ADAMTS16: variants seen among roughly 807,000 people sequenced by gnomAD.
The protein encoded by ADAMTS16 is A disintegrin and metalloproteinase with thrombospondin motifs 16.
ADAMTS16 carries 94 observed loss-of-function variants against 145.8 expected under a neutral mutation model. The ratio of observed to expected loss-of-function variants is 0.64; its 90% CI spans 0.55 to 0.77. The LOEUF (loss-of-function observed/expected upper bound fraction) is 0.77, where lower values mean the gene tolerates loss of function less well. Among genes scored for constraint, ADAMTS16 ranks in the 30% least tolerant of loss-of-function variants. The probability of loss-of-function intolerance (pLI) is 0.00; values close to 1 mark genes in which losing one functional copy is unlikely to be tolerated. For missense variants in ADAMTS16, 1,585 were observed against 1,591.5 expected (o/e 1.00, Z 0.07); for synonymous variants, 659 against 604.3 (o/e 1.09, Z -1.33).
chr5:5,247,203 T>C (rs1169835796), intron 17 of ADAMTS16, among the ~76,000 whole-genome samples: 1 of 152,204 alleles, frequency 6.6e-6, no homozygotes, highest in African/African-American at 2.4e-5. Context: ...TCTTTTAAAC[T>C]TCAGCTAAAG....
At chr5:5,217,569 C>T (rs1015380994) in intron 10 of ADAMTS16, among the ~76,000 whole-genome samples, 4 of 152,110 alleles carry the variant, frequency 2.6e-5, no homozygotes, top group African/African-American at 9.7e-5. Context: ...GGTAGTGTGC[C>T]ATTCACAATA....
At chr5:5,184,719 C>T (rs907284606) in intron 4 of ADAMTS16, among the ~76,000 whole-genome samples, 5 of 151,838 alleles carry the variant, frequency 3.3e-5, no homozygotes, top group Admixed American at 1.3e-4. Flanking sequence ...CTGGGGACAA[C>T]GTTGCAAGCT....
At chr5:5,265,426 C>T (rs866663356) in intron 18 of ADAMTS16, among the ~76,000 whole-genome samples, 4 of 152,144 alleles carry the variant, frequency 2.6e-5, no homozygotes, top group East Asian at 1.9e-4. Context: ...TGTGGAATCT[C>T]GGTTTGCCAA....
chr5:5,150,909 G>A (rs1734435641), intron 3 of ADAMTS16, among the ~76,000 whole-genome samples: 1 of 152,182 alleles, frequency 6.6e-6, no homozygotes, highest in Non-Finnish European at 1.5e-5. Context: ...ATTGCATTAT[G>A]CATATGTTAG....
At chr5:5,193,743 G>T (rs1735727252) in intron 8 of ADAMTS16, among the ~76,000 whole-genome samples, 1 of 152,086 alleles carries the variant, frequency 6.6e-6, no homozygotes, top group Admixed American at 6.6e-5. Context: ...GGGTGTAGTT[G>T]GAAAAAGATT....
rs779306005 is a variant in ADAMTS16, at chr5:5,232,352, A to G, written c.1702-16A>G. 6.2e-7 allele frequency: 1 copy of G among 1,613,768 alleles called. No individual in the cohort carries two copies. Among genetic ancestry groups the G allele is most frequent in the Non-Finnish European group, 8.5e-7 (1 of 1,179,932 alleles). On this transcript the variant is annotated splice_polypyrimidine_tract_variant and intron_variant, in intron 11 of 22. Coordinates refer to ENST00000274181, the MANE Select transcript of ADAMTS16 (RefSeq NM_139056.4). ...CTGTGTGAGTCAAGTCAACTTATTT[A>G]TGTTGAAAATTTTAGTGGTGCCGGG...
intron 21 of ADAMTS16, among the ~76,000 whole-genome samples, chr5:5,311,313 AAAAAC>A (rs1740422752): frequency 3.0e-5 from 3 of 99,156 alleles, no homozygotes; most frequent in Admixed American, 1.1e-4. Context: ...AAAAAAAAAA[AAAAAC>A]AAAAAAACAA....
chr5:5,203,492 A>G (rs1056419873), intron 9 of ADAMTS16, among the ~76,000 whole-genome samples: 3 of 152,212 alleles, frequency 2.0e-5, no homozygotes, highest in Non-Finnish European at 2.9e-5. Context: ...CTAGCATTTG[A>G]TAGTGGGAAA....
At chr5:5,240,417 AC>A (rs1483906900) in intron 16 of ADAMTS16, among the ~76,000 whole-genome samples, 1 of 152,170 alleles carries the variant, frequency 6.6e-6, no homozygotes, top group African/African-American at 2.4e-5. Flanking sequence ...TGCGGGGGTC[AC>A]CCCCTGAACC....
rs763436374 is a variant in ADAMTS16 at position 5,186,070 on chromosome 5, A to G, written c.782A>G (p.Lys261Arg). 4 of 1,613,572 alleles carry G rather than the reference A, an allele frequency of 2.5e-6. No individual in the cohort carries two copies. Among genetic ancestry groups the G allele is most frequent in the Non-Finnish European group, 3.4e-6 (4 of 1,179,932 alleles). ...TCCATAGACATGCCCCAGCCTCCCA[A>G]GGAAGACCTCTTCATCTTGCCAGAT... The part of the protein sequence containing the change: ...RRKKYMPQPP[K>R]EDLFILPDEY... Residue 261 changes from lysine (K) to arginine (R), a missense_variant, in exon 5 of 23, where the codon AAG (lysine) becomes AGG (arginine). By Grantham distance (26) the Lys-to-Arg change is conservative. This residue lies in a region of ADAMTS16 where 453 missense variants were observed against 412.1 expected (regional missense o/e 1.10). Coordinates refer to ENST00000274181, the MANE Select transcript of ADAMTS16 (RefSeq NM_139056.4).
chr5:5,172,632 A>C (rs543155849), intron 3 of ADAMTS16, among the ~76,000 whole-genome samples: 1 of 152,084 alleles, frequency 6.6e-6, no homozygotes, highest in Non-Finnish European at 1.5e-5. Context: ...GGTTTTTAAA[A>C]TTTTTTAAGA....
intron 17 of ADAMTS16, among the ~76,000 whole-genome samples, chr5:5,243,096 CT>C (rs1737345422): frequency 6.6e-6 from 1 of 152,142 alleles, no homozygotes; most frequent in South Asian, 2.1e-4. Flanking sequence ...TTTACATGTT[CT>C]CAATAGTTGC....
intron 3 of ADAMTS16, among the ~76,000 whole-genome samples, chr5:5,157,976 G>C (rs1167837096): frequency 1.3e-5 from 2 of 152,336 alleles, no homozygotes; most frequent in Middle Eastern, 3.4e-3. Flanking sequence ...AGCGGATGCT[G>C]TTGCCTCTGC....
chr5:5,143,533 A>G (rs1340888976), intron 2 of ADAMTS16, among the ~76,000 whole-genome samples: 1 of 152,206 alleles, frequency 6.6e-6, no homozygotes, highest in East Asian at 1.9e-4. Context: ...AGTTGGTGGG[A>G]GTGTAAATTA....
At chr5:5,308,454 C>T (rs918101869) in intron 21 of ADAMTS16, among the ~76,000 whole-genome samples, 4 of 152,188 alleles carry the variant, frequency 2.6e-5, no homozygotes, top group Admixed American at 6.5e-5. Context: ...GTTCTGGGTC[C>T]CCCTGCACTG....
chr5:5,276,433 A>G (rs986382739), intron 18 of ADAMTS16, among the ~76,000 whole-genome samples: 1 of 152,298 alleles, frequency 6.6e-6, no homozygotes, highest in African/African-American at 2.4e-5. Context: ...AATTACTGTA[A>G]CTTGCTAGAT....
intron 10 of ADAMTS16, among the ~76,000 whole-genome samples, chr5:5,216,555 T>C (rs1486471407): frequency 6.6e-6 from 1 of 152,140 alleles, no homozygotes; most frequent in African/African-American, 2.4e-5. Flanking sequence ...TTTATCTTTG[T>C]TTTTATTGCA....
rs763321140 is a variant in ADAMTS16 at position 5,306,737 on chromosome 5, G to C, written c.3411+9G>C. 2.5e-6 allele frequency: 4 copies of C among 1,594,938 alleles called. No individual in the cohort carries two copies. The Admixed American group carries it at 5.2e-5, about 21-fold the overall frequency. On this transcript the variant is annotated intron_variant, in intron 21 of 22. Coordinates refer to ENST00000274181, the MANE Select transcript of ADAMTS16 (RefSeq NM_139056.4). ...CCTCACCCTGGTCTCAGGTAGGGGA[G>C]GCCCTCGGTTCCTGGAGAGTGGGCG...
rs557523349 is a variant in ADAMTS16, at chr5:5,281,854, T to C, written c.2789+19071T>C. ...TATTAATTTTTCGTGTGTGTATGTGTGTATTAGGAAAATATGTAAATACAG... is the reference window on the plus strand; with the variant it reads ...TATTAATTTTTCGTGTGTGTATGTGCGTATTAGGAAAATATGTAAATACAG... On this transcript the variant is annotated intron_variant, in intron 18 of 22. Transcript: ENST00000274181. Among the ~76,000 whole-genome samples the C allele has an allele frequency of 4.6e-5, 7 of 152,370 alleles. No homozygotes were observed. In the South Asian group the frequency reaches 1.5e-3, roughly 32 times the overall value.
Sources: allele counts gnomAD v4.1 joint callset (sites outside exome capture counted in the v4.1 genomes callset), GRCh38; gene constraint gnomAD v4.1.1; regional missense constraint gnomAD v4.1.1; transcripts MANE v1.5; gene names NCBI Gene and HGNC (gene_info 2026-07-23, HGNC 2026-07-21).